PI4K2B: variants seen among roughly 807,000 people sequenced by gnomAD.
PI4K2B encodes phosphatidylinositol 4-kinase type 2 beta, also known as phosphatidylinositol 4-kinase type 2-beta.
In PI4K2B, 46 loss-of-function variants were observed where a neutral mutation model predicts 56.6. That is an observed-to-expected ratio of 0.81 (90% CI 0.64 to 1.04). The LOEUF is 1.04. Among genes scored for constraint, PI4K2B ranks in the 50% least tolerant of loss-of-function variants. PI4K2B has a pLI of 0.00. For synonymous variants in PI4K2B, 211 were observed against 223.8 expected, an observed-to-expected ratio of 0.94 and a Z score of 0.51; for missense variants, 556 against 607.7, an observed-to-expected ratio of 0.91 and a Z score of 0.89.
intron 1 of PI4K2B, among the ~76,000 whole-genome samples, chr4:25,238,928 A>C (rs191451927): frequency 6.6e-6 from 1 of 151,494 alleles, no homozygotes; most frequent in South Asian, 2.2e-4. Context: ...TTTACAGAGC[A>C]CTGATTGGTC....
chr4:25,244,769 C>T (rs1430101344), intron 1 of PI4K2B, among the ~76,000 whole-genome samples: 6 of 151,816 alleles, frequency 4.0e-5, no homozygotes, highest in Admixed American at 6.6e-5. Context: ...GGAATAGTTG[C>T]GCTCACTGAC....
At chr4:25,260,629 TATATATATATATACACAC>T (rs761009651) in intron 6 of PI4K2B, 38 bp downstream of exon 6, 15 of 214,614 alleles carry the variant, frequency 7.0e-5, no homozygotes, top group African/African-American at 3.0e-4. Flanking sequence ...TATATATATA[TATATATATATATACACAC>T]ACACACACAC....
intron 1 of PI4K2B, among the ~76,000 whole-genome samples, chr4:25,246,636 CT>C (rs1447649360): frequency 6.6e-6 from 1 of 152,246 alleles, no homozygotes; most frequent in Non-Finnish European, 1.5e-5. Context: ...CTCCTCAGCC[CT>C]TGGGCAGTTG....
At position 25,252,620 on chromosome 4, in the gene PI4K2B, G is replaced by GT. The variant is rs200258049; in HGVS notation, c.423+151dup. The GT allele has an allele frequency of 2.2e-3, 1,519 of 683,080 alleles. 13 individuals carry two copies. In the African/African-American group the frequency reaches 0.024, roughly 11 times the overall value. The allele number at this position is 683,080 out of a possible 1,614,324, so 42.3% of individuals were successfully genotyped here. A position where few individuals can be genotyped will look rare whatever the true frequency, so the allele number is the denominator to read the frequency against. On this transcript the variant is annotated intron_variant, in intron 2 of 9. Transcript: ENST00000264864. Reference sequence around the variant, plus strand: ...CCAAAACAAAGGTCAGTTTTTGTTTGTTTTTTGAGACGCCCGGGGTCGCCC... The same window carrying GT: ...CCAAAACAAAGGTCAGTTTTTGTTTGTTTTTTTGAGACGCCCGGGGTCGCCC...
intron 1 of PI4K2B, among the ~76,000 whole-genome samples, chr4:25,241,256 A>C (rs1715509784): frequency 6.6e-6 from 1 of 152,242 alleles, no homozygotes; most frequent in East Asian, 1.9e-4. Context: ...AGTTCTGCTA[A>C]CTGGACACTG....
intron 1 of PI4K2B, among the ~76,000 whole-genome samples, chr4:25,245,850 TGTCTCACTGCTTGGCGA>T (rs572019016): frequency 8.3e-4 from 127 of 152,220 alleles, no homozygotes; most frequent in African/African-American, 2.9e-3. Flanking sequence ...AATGGGCAGT[TGTCTCACTGCTTGGCGA>T]GTCTCACTGC....
In PI4K2B at chr4:25,255,275, A is replaced by G. The variant is rs1716221700; in HGVS notation, c.624+10A>G. 5.0e-6 allele frequency: 8 copies of G among 1,607,146 alleles called. No individual in the cohort carries two copies. Among genetic ancestry groups the G allele is most frequent in the African/African-American group, 1.3e-5 (1 of 74,816 alleles). ...TGTACCTAAAACAAAGGTAAGCCAG[A>G]CTTTATTTTTAACCATGGACTTTTA... On this transcript the variant is annotated intron_variant, in intron 3 of 9. Coordinates refer to ENST00000264864, the MANE Select transcript of PI4K2B (RefSeq NM_018323.4).
chr4:25,252,691 T>TA (rs1716109012), intron 2 of PI4K2B, among the ~76,000 whole-genome samples: 1 of 152,122 alleles, frequency 6.6e-6, no homozygotes, highest in Admixed American at 6.5e-5. Flanking sequence ...TAGCTCACTG[T>TA]AACCTTGACC....
chr4:25,271,037 A>G (rs1196441162), intron 9 of PI4K2B, among the ~76,000 whole-genome samples: 1 of 152,222 alleles, frequency 6.6e-6, no homozygotes, highest in African/African-American at 2.4e-5. Flanking sequence ...TTCTGCTGTC[A>G]TGGAGTTTTG....
Position 25,277,383 on chromosome 4 carries a change from T to C in PI4K2B, c.*196T>C. On this transcript the variant is annotated 3_prime_UTR_variant, in exon 10 of 10. Transcript: ENST00000264864. Reference sequence around the variant, plus strand: ...AATTTCTATTTCAGGGAAGAAGTGCTATATCTCCTATATTGTATTTTTGTA... The same window carrying C: ...AATTTCTATTTCAGGGAAGAAGTGCCATATCTCCTATATTGTATTTTTGTA... 2.2e-6 allele frequency: 1 copy of C among 462,522 alleles called. No individual in the cohort carries two copies. The highest frequency in any genetic ancestry group is 3.6e-6 in the Non-Finnish European group (1 of 275,658). The allele number at this position is 462,522 out of a possible 1,614,324, so 28.7% of individuals were successfully genotyped here.
At chr4:25,245,975 C>T (rs1202497923) in intron 1 of PI4K2B, among the ~76,000 whole-genome samples, 2 of 152,094 alleles carry the variant, frequency 1.3e-5, no homozygotes, top group South Asian at 4.1e-4. Flanking sequence ...CACGGACCCT[C>T]CCAATGAGTG....
At position 25,269,161 on chromosome 4, in the gene PI4K2B, C is replaced by T; in HGVS notation, c.1230C>T (p.Asp410=). The change falls in exon 9 of 10, where the codon GAC becomes GAT. Residue 410 remains aspartate, a synonymous_variant. Transcript: ENST00000264864. ...YELFKTDKGF[D]KATFESQMSV... is the part of the protein sequence containing the mutation. ...TATAATAGACTGACAAAGGATTTGA[C>T]AAAGCCACTTTTGAAAGTCAGATGT... is the stretch of plus-strand genomic sequence containing the variant. The T allele has an allele frequency of 6.3e-7, 1 of 1,582,924 alleles. No individual in the cohort carries two copies. The highest frequency in any genetic ancestry group is 8.7e-7 in the Non-Finnish European group (1 of 1,152,652).
At chr4:25,241,420 G>T (rs1183839514) in intron 1 of PI4K2B, among the ~76,000 whole-genome samples, 2 of 152,202 alleles carry the variant, frequency 1.3e-5, no homozygotes, top group South Asian at 2.1e-4. Flanking sequence ...ATCATCTTGG[G>T]TGGCATAAAT....
chr4:25,260,550 A>T lies in PI4K2B; in HGVS notation c.937A>T (p.Arg313Ter). ...TDRGNDNWLV[R>*]YEKQKCEKEI... ...CAGGGGCAATGATAATTGGTTAGTC[A>T]GATACGAAAAGCAGAAATGTGAAAA... The change falls in exon 6 of 10, where the codon AGA (arginine) becomes TGA (stop). Residue 313 changes from arginine to a stop codon, truncating the protein, a stop_gained. Coordinates refer to ENST00000264864, the MANE Select transcript of PI4K2B (RefSeq NM_018323.4). LOFTEE classifies it high-confidence loss of function. 6.9e-7 allele frequency: 1 copy of T among 1,440,216 alleles called. No individual in the cohort carries two copies. The highest frequency in any genetic ancestry group is 9.2e-7 in the Non-Finnish European group (1 of 1,089,060). 89.2% of individuals were successfully genotyped at this position (1,440,216 alleles called of 1,614,324 possible). A position where few individuals can be genotyped will look rare whatever the true frequency, so the allele number is the denominator to read the frequency against.
chr4:25,276,595 A>G lies in PI4K2B; in HGVS notation c.1273-419A>G, dbSNP rs891839508. The G allele has an allele frequency of 9.6e-6, 9 of 940,620 alleles. No homozygotes were observed. In the African/African-American group the frequency reaches 1.4e-4, roughly 15 times the overall value. 58.3% of individuals were successfully genotyped at this position (940,620 alleles called of 1,614,324 possible). On this transcript the variant is annotated intron_variant, in intron 9 of 9. Coordinates refer to ENST00000264864, the MANE Select transcript of PI4K2B (RefSeq NM_018323.4). ...GAACCTCGCACATAGTAGGCATACAATAAATTTGTTGAATGAATGGATAAG... is the reference window on the plus strand; with the variant it reads ...GAACCTCGCACATAGTAGGCATACAGTAAATTTGTTGAATGAATGGATAAG...
intron 4 of PI4K2B, among the ~76,000 whole-genome samples, chr4:25,257,630 CTT>C (rs1716307232): frequency 6.6e-6 from 1 of 152,110 alleles, no homozygotes; most frequent in South Asian, 2.1e-4. Context: ...AGCTTTAAGA[CTT>C]ATTTTTTAGA....
At chr4:25,251,043 T>C (rs1462106613) in intron 1 of PI4K2B, among the ~76,000 whole-genome samples, 1 of 152,144 alleles carries the variant, frequency 6.6e-6, no homozygotes, top group Admixed American at 6.5e-5. Flanking sequence ...TTTTGGGTAG[T>C]GAAGTTTGAG....
chr4:25,268,305 G>C, intron 7 of PI4K2B, 138 bp from the exon 8 acceptor site: 1 of 639,902 alleles, frequency 1.6e-6, no homozygotes. Context: ...GATTGCAGTG[G>C]GTAGTTGTAC....
At chr4:25,257,138 G>C (rs1301784712) in intron 4 of PI4K2B, among the ~76,000 whole-genome samples, 1 of 151,598 alleles carries the variant, frequency 6.6e-6, no homozygotes, top group Non-Finnish European at 1.5e-5. Context: ...GCTTACTGCA[G>C]CCTCGACCTC....
Sources: allele counts gnomAD v4.1 joint callset (sites outside exome capture counted in the v4.1 genomes callset), GRCh38; gene constraint gnomAD v4.1.1; transcripts MANE v1.5; gene names NCBI Gene and HGNC (gene_info 2026-07-23, HGNC 2026-07-21).